The following OSBPL9 variants were observed in gnomAD, a reference collection of about 807,000 sequenced individuals.
The protein encoded by OSBPL9 is oxysterol binding protein like 9, also known as oxysterol-binding protein-related protein 9.
OSBPL9 carries 40 observed loss-of-function variants against 106.6 expected under a neutral mutation model. The observed-to-expected ratio is 0.38, with a 90% CI of 0.29 to 0.49. The LOEUF (loss-of-function observed/expected upper bound fraction) is 0.49, where lower values mean the gene tolerates loss of function less well. Among genes scored for constraint, OSBPL9 ranks in the 20% least tolerant of loss-of-function variants. OSBPL9 has a pLI of 0.97. For synonymous variants in OSBPL9, 269 were observed against 295.4 expected, an observed-to-expected ratio of 0.91 and a Z score of 0.92; for missense variants, 609 against 887.2, an observed-to-expected ratio of 0.69 and a Z score of 3.98.
At chr1:51,611,895 G>T (rs1643990832) in intron 2 of OSBPL9, among the ~76,000 whole-genome samples, 1 of 152,070 alleles carries the variant, frequency 6.6e-6, no homozygotes, top group Non-Finnish European at 1.5e-5. Flanking sequence ...GAATCGCTTA[G>T]ACCTGTGAGC....
At chr1:51,607,153 CT>C (rs910660846) in intron 2 of OSBPL9, among the ~76,000 whole-genome samples, 74 of 148,868 alleles carry the variant, frequency 5.0e-4, no homozygotes, top group African/African-American at 1.5e-3. Flanking sequence ...TTTTTCTTTT[CT>C]TTTCTTTTTC....
chr1:51,590,679 A>C (rs1447752568), intron 1 of OSBPL9, among the ~76,000 whole-genome samples: 2 of 151,928 alleles, frequency 1.3e-5, no homozygotes, highest in African/African-American at 4.8e-5. Flanking sequence ...TATGTTTTGA[A>C]GGTACACTCA....
At chr1:51,662,965 T>C (rs370464066) in intron 2 of OSBPL9, among the ~76,000 whole-genome samples, 29 of 152,132 alleles carry the variant, frequency 1.9e-4, no homozygotes, top group Middle Eastern at 3.4e-3. Context: ...AGGATGGTCT[T>C]GATCACCTGA....
At chr1:51,597,479 A>G (rs2148603029) in intron 1 of OSBPL9, among the ~76,000 whole-genome samples, 1 of 150,338 alleles carries the variant, frequency 6.7e-6, no homozygotes, top group Admixed American at 6.7e-5. Context: ...ACACACACAA[A>G]GGATAGATTG....
intron 1 of OSBPL9, among the ~76,000 whole-genome samples, chr1:51,595,237 G>C (rs1645293917): frequency 6.6e-6 from 1 of 152,126 alleles, no homozygotes. Context: ...AGGAGTTAGG[G>C]AGTGGAATGG....
intron 3 of OSBPL9, among the ~76,000 whole-genome samples, chr1:51,683,118 G>A (rs1382783554): frequency 1.3e-5 from 2 of 151,592 alleles, no homozygotes; most frequent in Non-Finnish European, 2.9e-5. Context: ...CTCATGATCC[G>A]CCCGCCTCTG....
At chr1:51,683,079 G>C (rs979242487) in intron 3 of OSBPL9, among the ~76,000 whole-genome samples, 1 of 151,946 alleles carries the variant, frequency 6.6e-6, no homozygotes, top group East Asian at 1.9e-4. Flanking sequence ...GTTTTGCCAC[G>C]TTGGCCAGGC....
chr1:51,722,415 A>G (rs892868540), intron 4 of OSBPL9, among the ~76,000 whole-genome samples: 1 of 152,232 alleles, frequency 6.6e-6, no homozygotes, highest in Non-Finnish European at 1.5e-5. Context: ...AAAGGCTCAT[A>G]TAGCAAAAAT....
At chr1:51,655,613 CAAAGG>C (rs796532626) in intron 2 of OSBPL9, among the ~76,000 whole-genome samples, 3 of 152,294 alleles carry the variant, frequency 2.0e-5, no homozygotes, top group African/African-American at 7.2e-5. Context: ...CATCCATACT[CAAAGG>C]GGAGGAGATT....
intron 2 of OSBPL9, among the ~76,000 whole-genome samples, chr1:51,663,268 C>G (rs976026276): frequency 2.0e-5 from 3 of 150,800 alleles, no homozygotes; most frequent in Admixed American, 6.6e-5. Context: ...CAGTTTATTT[C>G]TAGTCATTTG....
Position 51,731,863 on chromosome 1 carries a change from C to A in OSBPL9, c.319-13673C>A, listed in dbSNP as rs988893896. Among the ~76,000 whole-genome samples the A allele has an allele frequency of 1.1e-4, 16 of 151,662 alleles. No homozygotes were observed. The South Asian group carries it at 1.3e-3, about 12-fold the overall frequency. ...AGTGAGAAACAAGAAAGACAACAGA[C>A]AAGTTTCATCTGTTTACAAAGTGCC... On this transcript the variant is annotated intron_variant, in intron 4 of 23. Transcript: ENST00000428468.
intron 2 of OSBPL9, among the ~76,000 whole-genome samples, chr1:51,608,859 GA>G (rs141877248): frequency 0.014 from 2,147 of 148,632 alleles, 47 homozygotes; most frequent in African/African-American, 0.049. Flanking sequence ...ATTGCTGGGG[GA>G]AAAAAAAAAT....
In OSBPL9 at chr1:51,651,999, C is replaced by T; in HGVS notation, c.120C>T (p.Asp40=). Residue 40 remains aspartate (D), a synonymous_variant, in exon 2 of 24, where the codon GAC becomes GAT. Transcript: ENST00000428468. ...CTTTGTTTTTCTTTTAGTCCAAGGA[C>T]AAAATGATGAGAGGCTCTCGCAGAG... ...AGLLSYYTSK[D]KMMRGSRRGC... 1.2e-6 allele frequency: 2 copies of T among 1,607,760 alleles called. No homozygotes were observed. The highest frequency in any genetic ancestry group is 1.7e-6 in the Non-Finnish European group (2 of 1,176,898).
chr1:51,785,513 ACG>A, intron 20 of OSBPL9: 1 of 373,840 alleles, frequency 2.7e-6, no homozygotes, highest in South Asian at 3.5e-5. Flanking sequence ...TCTCTCCACT[ACG>A]CTGTGAACAG....
At chr1:51,730,843 T>A (rs1163538395) in intron 4 of OSBPL9, among the ~76,000 whole-genome samples, 2 of 152,216 alleles carry the variant, frequency 1.3e-5, no homozygotes, top group African/African-American at 4.8e-5. Flanking sequence ...AGTTTCTCAG[T>A]GGAGAAGCTG....
rs1024222832 is a variant in OSBPL9 at position 51,754,883 on chromosome 1, T to C, written c.544-1437T>C. ...AGTGTCACAATCATAAATAACTCAC[T>C]GCAACGTCAAACTCCTGGGTTCAAG... On this transcript the variant is annotated intron_variant, in intron 8 of 23. Transcript: ENST00000428468. Among the ~76,000 whole-genome samples the C allele has an allele frequency of 2.4e-4, 37 of 152,302 alleles. 1 individual carries two copies. Among genetic ancestry groups the C allele is most frequent in the African/African-American group, 8.7e-4 (36 of 41,582 alleles).
intron 22 of OSBPL9, 108 bp downstream of exon 22, chr1:51,786,725 G>C: frequency 1.3e-6 from 1 of 793,002 alleles, no homozygotes; most frequent in Non-Finnish European, 2.0e-6. Flanking sequence ...TAATAGTATA[G>C]ACCAAGTTTG....
the OSBPL9 span, among the ~76,000 whole-genome samples, chr1:51,549,758 T>C: frequency 6.6e-6 from 1 of 152,164 alleles, no homozygotes; most frequent in Non-Finnish European, 1.5e-5. Flanking sequence ...GCTTAAACCC[T>C]GGAGGTGGAG....
the OSBPL9 span, among the ~76,000 whole-genome samples, chr1:51,569,975 C>T: frequency 6.6e-6 from 1 of 152,190 alleles, no homozygotes; most frequent in Admixed American, 6.5e-5. Context: ...CTGCCTAGGG[C>T]CACATAGCTA....
Sources: allele counts gnomAD v4.1 joint callset (sites outside exome capture counted in the v4.1 genomes callset), GRCh38; gene constraint gnomAD v4.1.1; transcripts MANE v1.5; gene names NCBI Gene and HGNC (gene_info 2026-07-23, HGNC 2026-07-21).